The following LIG3 variants were observed in gnomAD, a reference collection of about 807,000 sequenced individuals.
LIG3 encodes DNA ligase 3.
Under a neutral mutation model 110.9 loss-of-function variants are expected in LIG3, and 58 were observed. The observed-to-expected ratio is 0.52, with a 90% CI of 0.42 to 0.65. The LOEUF (loss-of-function observed/expected upper bound fraction) is 0.65, where lower values mean the gene tolerates loss of function less well. Ranked by LOEUF, LIG3 falls within the 30% of genes least tolerant of loss-of-function variation. The pLI, the probability that LIG3 is intolerant of heterozygous loss-of-function variation, is 0.00. For synonymous variants in LIG3, 422 were observed against 472.8 expected (o/e 0.89, Z 1.39); for missense variants, 1,094 against 1,273.8 (o/e 0.86, Z 2.15).
intron 10 of LIG3, 140 bp downstream of exon 10, chr17:34,996,335 G>C: frequency 9.0e-7 from 1 of 1,107,960 alleles, no homozygotes; most frequent in Non-Finnish European, 1.3e-6. Flanking sequence ...TTTCTGGTTT[G>C]GATTTTTGTC....
intron 9 of LIG3, among the ~76,000 whole-genome samples, chr17:34,995,135 C>T (rs1227336234): frequency 1.3e-5 from 2 of 152,234 alleles, no homozygotes; most frequent in Admixed American, 1.3e-4. Flanking sequence ...TCTTTCCTAA[C>T]TCAGACTCAG....
In LIG3 at chr17:34,998,609, A is replaced by G. The variant is rs779663048; in HGVS notation, c.1995A>G (p.Thr665=). The G allele has an allele frequency of 6.2e-7, 1 of 1,614,120 alleles. No homozygotes were observed. Among genetic ancestry groups the G allele is most frequent in the Non-Finnish European group, 8.5e-7 (1 of 1,179,972 alleles). Residue 665 remains threonine, a synonymous_variant, in exon 14 of 20, where the codon ACA becomes ACG. Coordinates refer to ENST00000378526, the MANE Select transcript of LIG3 (RefSeq NM_013975.4). ...TCTCTTTTGCTTCCCTTCAGGGTAC[A>G]TATGAGCCTGGGAAGCGGCACTGGC... The part of the protein sequence containing the change: ...EGLVLKDVKG[T]YEPGKRHWLK...
chr17:34,988,931 A>C (rs969815861), intron 3 of LIG3, among the ~76,000 whole-genome samples: 3 of 152,186 alleles, frequency 2.0e-5, no homozygotes, highest in Non-Finnish European at 2.9e-5. Context: ...CACATTGTCT[A>C]ACACGTACTT....
chr17:34,992,323 C>T (rs1156519464), intron 7 of LIG3, among the ~76,000 whole-genome samples: 1 of 152,236 alleles, frequency 6.6e-6, no homozygotes. Context: ...CTCGCTAAGG[C>T]GGCATCCACA....
At chr17:34,996,362 A>G (rs1035279709) in intron 10 of LIG3, 167 bp downstream of exon 10, 8 of 917,238 alleles carry the variant, frequency 8.7e-6, no homozygotes, top group Non-Finnish European at 1.3e-5. Context: ...TTTTCTCCTA[A>G]AAAGGGGCTG....
At chr17:34,986,201 G>T in intron 3 of LIG3, 70 bp downstream of exon 3, 4 of 1,488,398 alleles carry the variant, frequency 2.7e-6, no homozygotes, top group Non-Finnish European at 3.7e-6. Flanking sequence ...TAGGATTCTG[G>T]CTAAAGAGTG....
chr17:35,006,018 T>A lies in LIG3; in HGVS notation c.*1512T>A. The A allele has an allele frequency of 4.1e-6, 1 of 246,630 alleles. No homozygotes were observed. The highest frequency in any genetic ancestry group is 8.0e-6 in the Non-Finnish European group (1 of 125,648). The allele number at this position is 246,630 out of a possible 1,614,324, so 15.3% of individuals were successfully genotyped here. Reference sequence around the variant, plus strand: ...CATTTTCTTCTTAGTTTTTAATTTCTTAAAGAAAATATACTCCATATCTGC... The same window carrying A: ...CATTTTCTTCTTAGTTTTTAATTTCATAAAGAAAATATACTCCATATCTGC... On this transcript the variant is annotated 3_prime_UTR_variant, in exon 20 of 20. Coordinates refer to ENST00000378526, the MANE Select transcript of LIG3 (RefSeq NM_013975.4).
chr17:34,996,038 C>T (rs2090773778), intron 9 of LIG3, 26 bp from the exon 10 acceptor site: 1 of 1,605,868 alleles, frequency 6.2e-7, no homozygotes, highest in Non-Finnish European at 8.5e-7. Context: ...TGTCATCCCT[C>T]ACCAAAGCTC....
chr17:34,999,150 T>C, intron 14 of LIG3, 157 bp from the exon 15 acceptor site: 2 of 806,016 alleles, frequency 2.5e-6, no homozygotes, highest in Non-Finnish European at 3.8e-6. Flanking sequence ...TTGGGGCTTA[T>C]AAAGGTTAAA....
At chr17:34,990,308 G>T (rs1597793902) in intron 4 of LIG3, among the ~76,000 whole-genome samples, 1 of 152,328 alleles carries the variant, frequency 6.6e-6, no homozygotes, top group East Asian at 1.9e-4. Context: ...GACAAAAAAT[G>T]TGGCTGTGTT....
chr17:34,990,291 T>C (rs904841470), intron 4 of LIG3, among the ~76,000 whole-genome samples: 1 of 152,226 alleles, frequency 6.6e-6, no homozygotes, highest in African/African-American at 2.4e-5. Context: ...GTTTGTTTAT[T>C]TATTGAGACA....
rs1275248785 is a variant in LIG3, at chr17:35,005,353, G to A, written c.*847G>A. ...TAGTGCTCGAGTGTTCCAACCTGAA[G>A]TTGAAGAAGCCACCCTGGCTGCACA... On this transcript the variant is annotated 3_prime_UTR_variant, in exon 20 of 20. Transcript: ENST00000378526. 2 of 555,886 alleles carry A rather than the reference G, an allele frequency of 3.6e-6. No homozygotes were observed. Among genetic ancestry groups the A allele is most frequent in the Admixed American group, 3.8e-5 (2 of 52,282 alleles). The allele number at this position is 555,886 out of a possible 1,614,324, so 34.4% of individuals were successfully genotyped here.
At position 35,004,253 on chromosome 17, in the gene LIG3, T is replaced by C. The variant is rs1376415415; in HGVS notation, c.2797-20T>C. 1.2e-6 allele frequency: 2 copies of C among 1,601,556 alleles called. No homozygotes were observed. Among genetic ancestry groups the C allele is most frequent in the Non-Finnish European group, 8.5e-7 (1 of 1,170,030 alleles). On this transcript the variant is annotated intron_variant, in intron 19 of 19. Coordinates refer to ENST00000378526, the MANE Select transcript of LIG3 (RefSeq NM_013975.4). ...ACCCAGTGTAGGTCTGACCCCACCC[T>C]GACCCCTCTGCATTTGCAGGTATTG...
rs745934733 is a variant in LIG3 at position 35,009,314 on chromosome 17, T to G, written c.*4808T>G. On this transcript the variant is annotated 3_prime_UTR_variant, in exon 20 of 20. Coordinates refer to ENST00000378526, the MANE Select transcript of LIG3 (RefSeq NM_013975.4). ...CTAGTTCCTGTACAGCTTATTCTTA[T>G]TAGTTTGGATCCAACTATTCCAATG... 1.3e-5 allele frequency: 2 copies of G among 152,360 alleles called. No homozygotes were observed. The highest frequency in any genetic ancestry group is 1.5e-5 in the Non-Finnish European group (1 of 68,042). The allele number at this position is 152,360 out of a possible 1,614,324, so 9.4% of individuals were successfully genotyped here.
At chr17:34,991,289 T>G in intron 5 of LIG3, 175 bp downstream of exon 5, 1 of 636,336 alleles carries the variant, frequency 1.6e-6, no homozygotes, top group Admixed American at 3.1e-5. Flanking sequence ...TAGCTCTTAA[T>G]TTCTTAAGTT....
chr17:34,999,520 G>T (rs963954968), intron 15 of LIG3, 71 bp downstream of exon 15: 1 of 1,543,494 alleles, frequency 6.5e-7, no homozygotes, highest in Non-Finnish European at 8.8e-7. Context: ...CTGTGCTTTG[G>T]GGACTACAGG....
Position 35,004,783 on chromosome 17 carries a change from A to G in LIG3, c.*277A>G, listed in dbSNP as rs929969652. The G allele has an allele frequency of 4.8e-6, 2 of 417,812 alleles. No individual in the cohort carries two copies. The highest frequency in any genetic ancestry group is 4.0e-5 in the African/African-American group (2 of 49,956). The allele number at this position is 417,812 out of a possible 1,614,324, so 25.9% of individuals were successfully genotyped here. A position where few individuals can be genotyped will look rare whatever the true frequency, so the allele number is the denominator to read the frequency against. On this transcript the variant is annotated 3_prime_UTR_variant, in exon 20 of 20. Coordinates refer to ENST00000378526, the MANE Select transcript of LIG3 (RefSeq NM_013975.4). ...GAAAAGCAGCTTAGTTACCCTTTTT[A>G]TAAATAAAATATCTTGCAGTTATCT...
chr17:34,988,101 G>A (rs1031027050), intron 3 of LIG3, among the ~76,000 whole-genome samples: 1 of 148,838 alleles, frequency 6.7e-6, no homozygotes, highest in Non-Finnish European at 1.5e-5. Flanking sequence ...GCTGAGGCAG[G>A]AGAATGGCAT....
In LIG3 at chr17:35,005,299, C is replaced by T; in HGVS notation, c.*793C>T. The T allele has an allele frequency of 1.8e-6, 1 of 541,248 alleles. No individual in the cohort carries two copies. 33.5% of individuals were successfully genotyped at this position (541,248 alleles called of 1,614,324 possible). ...CAAGAACAGCCCTTGTTGCCACCAACATGGAGACTTTGTACCATATCCCAT... is the reference window on the plus strand; with the variant it reads ...CAAGAACAGCCCTTGTTGCCACCAATATGGAGACTTTGTACCATATCCCAT... On this transcript the variant is annotated 3_prime_UTR_variant, in exon 20 of 20. Transcript: ENST00000378526.
Sources: gnomAD v4.1 joint callset for allele counts (sites outside exome capture counted in the v4.1 genomes callset) on GRCh38, gnomAD v4.1.1 for gene constraint, MANE v1.5 for transcripts, NCBI Gene and HGNC (gene_info 2026-07-23, HGNC 2026-07-21) for gene names.